The following GPC1 variants were observed in gnomAD, a reference collection of about 807,000 sequenced individuals.
GPC1 encodes the protein glypican 1.
In GPC1, 26 loss-of-function variants were observed where a neutral mutation model predicts 51.5. The observed-to-expected ratio is 0.50, with a 90% CI of 0.37 to 0.70. The LOEUF (loss-of-function observed/expected upper bound fraction) is 0.70. Ranked by LOEUF, GPC1 falls within the 30% of genes least tolerant of loss-of-function variation. The probability of loss-of-function intolerance (pLI) is 0.00; values close to 1 mark genes in which losing one functional copy is unlikely to be tolerated. For synonymous variants in GPC1, 380 were observed against 348.3 expected (o/e 1.09, Z -1.01); for missense variants, 775 against 800.5 (o/e 0.97, Z 0.38).
At chr2:240,444,031 G>A (rs574210200) in intron 1 of GPC1, among the ~76,000 whole-genome samples, 116 of 152,322 alleles carry the variant, frequency 7.6e-4, no homozygotes, top group African/African-American at 2.4e-3. Context: ...AGACTACCCC[G>A]CAGGTGCAGG....
intron 1 of GPC1, among the ~76,000 whole-genome samples, chr2:240,453,667 C>T (rs2074127755): frequency 1.3e-5 from 2 of 150,548 alleles, no homozygotes; most frequent in Non-Finnish European, 3.0e-5. Context: ...TCCCTCCCCG[C>T]CGCGCCCACT....
intron 4 of GPC1, 79 bp from the exon 5 acceptor site, chr2:240,464,537 G>A (rs973353561): frequency 3.1e-5 from 41 of 1,334,354 alleles, no homozygotes; most frequent in Non-Finnish European, 4.0e-5. Flanking sequence ...ATGCACACGT[G>A]GTGACGCCTG....
chr2:240,435,714 G>A lies in GPC1; in HGVS notation c.-205G>A, dbSNP rs1235417906. 4.3e-6 allele frequency: 1 copy of A among 231,448 alleles called. No individual in the cohort carries two copies. The highest frequency in any genetic ancestry group is 8.2e-6 in the Non-Finnish European group (1 of 122,578). The allele number at this position is 231,448 out of a possible 1,614,324, so 14.3% of individuals were successfully genotyped here. ...CGCGCTCTGGGCTGCCCGAGCGAGC[G>A]TTCGGACCTCGCACCCCGCGCGCCC... On this transcript the variant is annotated 5_prime_UTR_variant, in exon 1 of 9. Coordinates refer to ENST00000264039, the MANE Select transcript of GPC1 (RefSeq NM_002081.3).
In GPC1 at chr2:240,464,962, C is replaced by A. The variant is rs200248156; in HGVS notation, c.1121C>A (p.Thr374Lys). 8.7e-5 allele frequency: 135 copies of A among 1,553,526 alleles called. 1 individual carries two copies. The African/African-American group carries it at 1.7e-3, about 19-fold the overall frequency. The stretch of plus-strand genomic sequence containing the variant: ...CCGCGGGAGAGGCCACCTTCAGGCA[C>A]GCTGGAGAAGCTGGTGAGTGGCCCC... ...LAPRERPPSGTLEKLVSEAKA... is the reference protein window; with the variant it reads ...LAPRERPPSGKLEKLVSEAKA... The change falls in exon 6 of 9, where the codon ACG (threonine) becomes AAG (lysine). Residue 374 changes from threonine to lysine, a missense_variant. Coordinates refer to ENST00000264039, the MANE Select transcript of GPC1 (RefSeq NM_002081.3).
intron 1 of GPC1, among the ~76,000 whole-genome samples, chr2:240,447,677 G>A (rs1035038759): frequency 6.6e-5 from 10 of 152,224 alleles, no homozygotes; most frequent in Non-Finnish European, 1.0e-4. Flanking sequence ...GTCAAGGGCC[G>A]GCTCCACACC....
chr2:240,467,363 A>G lies in GPC1; in HGVS notation c.*1073A>G, dbSNP rs2074272426. On this transcript the variant is annotated 3_prime_UTR_variant, in exon 9 of 9. Transcript: ENST00000264039. ...TGGATAGTTAAGGGCTTTTCCAAAC[A>G]TGCATCCATTTACTGACACTTCCTG... The G allele has an allele frequency of 6.6e-6, 1 of 152,236 alleles. No homozygotes were observed. Among genetic ancestry groups the G allele is most frequent in the South Asian group, 2.1e-4 (1 of 4,832 alleles). The allele number at this position is 152,236 out of a possible 1,614,324, so 9.4% of individuals were successfully genotyped here. A position where few individuals can be genotyped will look rare whatever the true frequency, so the allele number is the denominator to read the frequency against.
Position 240,466,850 on chromosome 2 carries a change from TC to T in GPC1, c.*563del, listed in dbSNP as rs1428148630. ...GCAGGCTGCAGAGCCCGGCCCCACC[TC>T]CCTGCGCCCTTGAGGGGCCCCAGCG... On this transcript the variant is annotated 3_prime_UTR_variant, in exon 9 of 9. Coordinates refer to ENST00000264039, the MANE Select transcript of GPC1 (RefSeq NM_002081.3). 1 of 152,924 alleles carries T rather than the reference TC, an allele frequency of 6.5e-6. No individual in the cohort carries two copies. Among genetic ancestry groups the T allele is most frequent in the African/African-American group, 2.4e-5 (1 of 41,444 alleles). 9.5% of individuals were successfully genotyped at this position (152,924 alleles called of 1,614,324 possible).
chr2:240,453,430 C>T (rs1284313973), intron 1 of GPC1, among the ~76,000 whole-genome samples: 5 of 96,964 alleles, frequency 5.2e-5, no homozygotes, highest in African/African-American at 2.0e-4. Context: ...CCTCCGCCCG[C>T]CCCGCTCCCT....
intron 1 of GPC1, among the ~76,000 whole-genome samples, chr2:240,444,697 T>C (rs1334014413): frequency 6.6e-6 from 1 of 152,218 alleles, no homozygotes; most frequent in Admixed American, 6.5e-5. Context: ...CTGTGGCCTA[T>C]GGGTGATCGT....
intron 1 of GPC1, among the ~76,000 whole-genome samples, chr2:240,446,836 G>A (rs150800406): frequency 2.8e-4 from 43 of 152,282 alleles, no homozygotes; most frequent in African/African-American, 9.4e-4. Context: ...CATTCGGCCC[G>A]CAGAGGACGG....
chr2:240,440,581 C>A (rs1485575891), intron 1 of GPC1, among the ~76,000 whole-genome samples: 1 of 147,752 alleles, frequency 6.8e-6, no homozygotes, highest in African/African-American at 2.5e-5. Context: ...TCCTCCTGGC[C>A]TCCCTGCCTC....
In GPC1 at chr2:240,435,708, G is replaced by A; in HGVS notation, c.-211G>A. 4.6e-6 allele frequency: 1 copy of A among 218,762 alleles called. No homozygotes were observed. Among genetic ancestry groups the A allele is most frequent in the Non-Finnish European group, 8.8e-6 (1 of 114,158 alleles). 13.6% of individuals were successfully genotyped at this position (218,762 alleles called of 1,614,324 possible). On this transcript the variant is annotated 5_prime_UTR_variant, in exon 1 of 9. Transcript: ENST00000264039. ...GCCCGCCGCGCTCTGGGCTGCCCGA[G>A]CGAGCGTTCGGACCTCGCACCCCGC... is the stretch of plus-strand genomic sequence containing the variant.
chr2:240,457,532 C>T, intron 1 of GPC1: 1 of 457,026 alleles, frequency 2.2e-6, no homozygotes, highest in South Asian at 1.6e-5. Flanking sequence ...CTTCCTGGAC[C>T]CCAGGCCTGA....
chr2:240,443,711 G>T lies in GPC1; in HGVS notation c.166+7627G>T, dbSNP rs989574916. Among the ~76,000 whole-genome samples the T allele has an allele frequency of 7.2e-5, 11 of 152,328 alleles. No homozygotes were observed. In the South Asian group the frequency reaches 2.3e-3, roughly 32 times the overall value. On this transcript the variant is annotated intron_variant, in intron 1 of 8. Coordinates refer to ENST00000264039, the MANE Select transcript of GPC1 (RefSeq NM_002081.3). Reference sequence around the variant, plus strand: ...TCAAGGTCTTTGATGGGGCGCAGCCGGTGGACAGGGAGAGAAGGGTCCCTC... The same window carrying T: ...TCAAGGTCTTTGATGGGGCGCAGCCTGTGGACAGGGAGAGAAGGGTCCCTC...
intron 2 of GPC1, 42 bp from the exon 3 acceptor site, chr2:240,462,149 G>A (rs35971355): frequency 0.2 from 294,796 of 1,506,312 alleles, 29,695 homozygotes; most frequent in Admixed American, 0.26. Context: ...CTGCCACGGC[G>A]GGGGAAACAT....
At chr2:240,465,247 A>G (rs2074251205) in intron 7 of GPC1, 37 bp downstream of exon 7, 1 of 1,572,732 alleles carries the variant, frequency 6.4e-7, no homozygotes, top group South Asian at 1.2e-5. Flanking sequence ...CCTCCCTCCC[A>G]TGCCGCCTCC....
At position 240,466,543 on chromosome 2, in the gene GPC1, CAG is replaced by C. The variant is rs1387739492; in HGVS notation, c.*254_*255del. The C allele has an allele frequency of 5.8e-6, 3 of 516,970 alleles. No homozygotes were observed. Among genetic ancestry groups the C allele is most frequent in the African/African-American group, 1.9e-5 (1 of 52,202 alleles). 32.0% of individuals were successfully genotyped at this position (516,970 alleles called of 1,614,324 possible). Reference sequence around the variant, plus strand: ...CAAAAGCCATGTATTTCAGGGACCTCAGGGGCACCTCCGGCTGCCTAGCCCTC... The same window carrying C: ...CAAAAGCCATGTATTTCAGGGACCTCGGGCACCTCCGGCTGCCTAGCCCTC... On this transcript the variant is annotated 3_prime_UTR_variant, in exon 9 of 9. Coordinates refer to ENST00000264039, the MANE Select transcript of GPC1 (RefSeq NM_002081.3).
At position 240,459,101 on chromosome 2, in the gene GPC1, C is replaced by T. The variant is rs565369538; in HGVS notation, c.238C>T (p.Arg80Cys). The T allele has an allele frequency of 7.4e-5, 119 of 1,612,792 alleles. No individual in the cohort carries two copies. Among genetic ancestry groups the T allele is most frequent in the Non-Finnish European group, 9.4e-5 (111 of 1,179,866 alleles). ...TSEMEENLAN[R>C]SHAELETALR... ...CGAGATGGAGGAGAACCTGGCCAAC[C>T]GCAGCCATGCCGAGCTGGAGACCGC... The change falls in exon 2 of 9, where the codon CGC (arginine) becomes TGC (cysteine). Residue 80 changes from arginine to cysteine, a missense_variant. By Grantham distance (180) the Arg-to-Cys change is radical. Transcript: ENST00000264039.
intron 1 of GPC1, among the ~76,000 whole-genome samples, chr2:240,456,269 T>A (rs1284761350): frequency 1.3e-5 from 2 of 152,014 alleles, no homozygotes; most frequent in African/African-American, 2.4e-5. Context: ...TACGGGTGTT[T>A]CGGGCCTCAC....
Sources: allele counts gnomAD v4.1 joint callset (sites outside exome capture counted in the v4.1 genomes callset), GRCh38; gene constraint gnomAD v4.1.1; transcripts MANE v1.5; gene names NCBI Gene and HGNC (gene_info 2026-07-23, HGNC 2026-07-21).